The following RBFOX1 variants were observed in gnomAD, a reference collection of about 807,000 sequenced individuals.
RBFOX1 encodes RNA binding protein fox-1 homolog 1.
In RBFOX1, 8 loss-of-function variants were observed where a neutral mutation model predicts 57.7. The observed-to-expected ratio is 0.14, with a 90% CI of 0.08 to 0.25. The LOEUF (loss-of-function observed/expected upper bound fraction) is 0.25. RBFOX1 is among the 10% of genes least tolerant of loss of function. RBFOX1 has a pLI of 1.00. For synonymous variants in RBFOX1, 326 were observed against 222.4 expected (o/e 1.47, Z -4.15); for missense variants, 611 against 548.5 (o/e 1.11, Z -1.14).
chr16:6,548,645 G>A (rs1292976679), intron 2 of RBFOX1, among the ~76,000 whole-genome samples: 1 of 152,194 alleles, frequency 6.6e-6, no homozygotes, highest in East Asian at 1.9e-4. Context: ...ATAGAACTGG[G>A]AAGCACACGG....
chr16:6,798,606 G>C (rs1285627082), intron 3 of RBFOX1, among the ~76,000 whole-genome samples: 2 of 152,194 alleles, frequency 1.3e-5, no homozygotes, highest in Non-Finnish European at 2.9e-5. Context: ...ACATATATCT[G>C]TGCTTTGTTG....
chr16:5,345,640 G>C (rs549293873), intron 1 of RBFOX1, among the ~76,000 whole-genome samples: 1 of 152,314 alleles, frequency 6.6e-6, no homozygotes, highest in African/African-American at 2.4e-5. Context: ...TGCTCGTTGG[G>C]CTTCTTAAAC....
At chr16:6,745,176 A>T (rs2073279022) in intron 3 of RBFOX1, among the ~76,000 whole-genome samples, 1 of 152,132 alleles carries the variant, frequency 6.6e-6, no homozygotes, top group African/African-American at 2.4e-5. Context: ...AAATAAATTA[A>T]ATCTGGAGTT....
intron 4 of RBFOX1, among the ~76,000 whole-genome samples, chr16:7,265,276 T>C (rs2095083824): frequency 6.6e-6 from 1 of 151,928 alleles, no homozygotes; most frequent in Non-Finnish European, 1.5e-5. Flanking sequence ...ATGGTCTAGT[T>C]ATCATGTGGT....
intron 1 of RBFOX1, among the ~76,000 whole-genome samples, chr16:6,195,296 T>G (rs1415768985): frequency 6.6e-6 from 1 of 152,242 alleles, no homozygotes; most frequent in Non-Finnish European, 1.5e-5. Context: ...ATTTGTGCTG[T>G]GCCTCCATTT....
At chr16:6,982,246 T>C (rs1546090) in intron 3 of RBFOX1, among the ~76,000 whole-genome samples, 152,095 of 152,318 alleles carry the variant, frequency 1, 75,937 homozygotes, top group East Asian at 1. Context: ...GAAATGTAGC[T>C]GCTTTCAATT....
At position 6,024,307 on chromosome 16, in the gene RBFOX1, C is replaced by T. The variant is rs567629252; in HGVS notation, c.-127+4315C>T. Among the ~76,000 whole-genome samples the T allele has an allele frequency of 1.1e-4, 16 of 152,110 alleles. No homozygotes were observed. The East Asian group carries it at 2.3e-3, about 22-fold the overall frequency. ...GCTTATATTGTCGTGGGGGAAGCCG[C>T]GTCATAAGCAAGACGTTGAAATATA... is the stretch of plus-strand genomic sequence containing the variant. On this transcript the variant is annotated intron_variant, in intron 1 of 15. Coordinates refer to ENST00000550418, the MANE Select transcript of RBFOX1 (RefSeq NM_018723.4).
chr16:5,833,534 G>C (rs1247241894), intron 3 of RBFOX1, among the ~76,000 whole-genome samples: 2 of 151,350 alleles, frequency 1.3e-5, no homozygotes, highest in East Asian at 3.9e-4. Context: ...TCTGTAGAAG[G>C]TCAAAAGGAA....
At chr16:5,697,653 C>T (rs1196138580) in intron 3 of RBFOX1, among the ~76,000 whole-genome samples, 1 of 151,548 alleles carries the variant, frequency 6.6e-6, no homozygotes, top group East Asian at 1.9e-4. Flanking sequence ...TCTGCCTCAG[C>T]CCTCCAAGTA....
intron 4 of RBFOX1, among the ~76,000 whole-genome samples, chr16:7,138,156 T>C (rs1326364160): frequency 4.6e-5 from 7 of 152,042 alleles, no homozygotes; most frequent in African/African-American, 1.7e-4. Context: ...GGTAAACAGA[T>C]AATGCAAATC....
intron 3 of RBFOX1, among the ~76,000 whole-genome samples, chr16:6,869,945 C>G (rs998739840): frequency 6.6e-6 from 1 of 152,148 alleles, no homozygotes; most frequent in African/African-American, 2.4e-5. Context: ...GTCTTGGGGA[C>G]TGCTTACTAA....
chr16:7,248,062 T>C (rs1179160260), intron 4 of RBFOX1, among the ~76,000 whole-genome samples: 1 of 152,136 alleles, frequency 6.6e-6, no homozygotes, highest in African/African-American at 2.4e-5. Flanking sequence ...CTTAAAAAAA[T>C]AGAATATGGT....
In RBFOX1 at chr16:5,885,758, A is replaced by G. The variant is rs146011773; in HGVS notation, c.351+18423A>G. Among the ~76,000 whole-genome samples, 418 of 152,286 alleles carry G rather than the reference A, an allele frequency of 2.7e-3. 2 individuals carry two copies. Among genetic ancestry groups the G allele is most frequent in the Non-Finnish European group, 1.6e-3 (106 of 68,006 alleles). ...CAGGAAGTGATTTTCTTACTTAGGC[A>G]TTCATTGACAAACCTTCACTGGGCA... On this transcript the variant is annotated intron_variant, in intron 4 of 19. Transcript: ENST00000641259.
chr16:6,232,738 T>C (rs2097473665), intron 1 of RBFOX1, among the ~76,000 whole-genome samples: 2 of 152,178 alleles, frequency 1.3e-5, no homozygotes, highest in African/African-American at 4.8e-5. Context: ...TTAATGCTTT[T>C]CCAAAACAGT....
At chr16:6,355,785 C>T (rs1037268008) in intron 2 of RBFOX1, among the ~76,000 whole-genome samples, 1 of 152,206 alleles carries the variant, frequency 6.6e-6, no homozygotes, top group Non-Finnish European at 1.5e-5. Flanking sequence ...TCCACATCCT[C>T]TCCAGCTTCT....
intron 2 of RBFOX1, among the ~76,000 whole-genome samples, chr16:6,394,240 G>C (rs1207333241): frequency 6.6e-6 from 1 of 152,182 alleles, no homozygotes; most frequent in Non-Finnish European, 1.5e-5. Context: ...CATAGTGTTT[G>C]TTTGCTCATC....
At chr16:5,695,580 TG>T (rs2050821381) in intron 3 of RBFOX1, among the ~76,000 whole-genome samples, 1 of 152,162 alleles carries the variant, frequency 6.6e-6, no homozygotes, top group Non-Finnish European at 1.5e-5. Context: ...TGCTAAAACT[TG>T]GAAAATCAGA....
intron 4 of RBFOX1, among the ~76,000 whole-genome samples, chr16:5,882,880 A>G (rs972303525): frequency 6.6e-6 from 1 of 152,244 alleles, no homozygotes; most frequent in Admixed American, 6.5e-5. Flanking sequence ...TGTCAAAGAG[A>G]AAACATGAAA....
intron 4 of RBFOX1, among the ~76,000 whole-genome samples, chr16:7,262,436 A>C (rs2094954742): frequency 6.6e-6 from 1 of 152,244 alleles, no homozygotes; most frequent in African/African-American, 2.4e-5. Context: ...AATAAGTGAA[A>C]GGTAAATAAC....
Sources: gnomAD v4.1 joint callset for allele counts (sites outside exome capture counted in the v4.1 genomes callset) on GRCh38, gnomAD v4.1.1 for gene constraint, MANE v1.5 for transcripts, NCBI Gene and HGNC (gene_info 2026-07-23, HGNC 2026-07-21) for gene names.